FRMD4A: variants seen among roughly 807,000 people sequenced by gnomAD.
The protein encoded by FRMD4A is FERM domain-containing protein 4A.
FRMD4A carries 29 observed loss-of-function variants against 129.1 expected under a neutral mutation model. The observed-to-expected ratio is 0.22, with a 90% CI of 0.17 to 0.31. The LOEUF is 0.31. Ranked by LOEUF, FRMD4A falls within the 10% of genes least tolerant of loss-of-function variation. FRMD4A has a pLI of 1.00. For synonymous variants in FRMD4A, 634 were observed against 571.6 expected, an observed-to-expected ratio of 1.11 and a Z score of -1.56; for missense variants, 1,272 against 1,375.8, an observed-to-expected ratio of 0.92 and a Z score of 1.19.
At chr10:13,768,985 A>ATT (rs10558942) in intron 6 of FRMD4A, among the ~76,000 whole-genome samples, 47 of 103,326 alleles carry the variant, frequency 4.5e-4, no homozygotes, top group Middle Eastern at 5.2e-3. Flanking sequence ...ACTTTACTAG[A>ATT]TTTTTTTTTT....
At chr10:14,105,436 A>T (rs1422949815) in intron 2 of FRMD4A, among the ~76,000 whole-genome samples, 2 of 146,634 alleles carry the variant, frequency 1.4e-5, no homozygotes, top group Admixed American at 6.7e-5. Flanking sequence ...TTTATTAGAT[A>T]TGCATTTCCA....
At chr10:14,198,334 G>A (rs954436252) in intron 2 of FRMD4A, among the ~76,000 whole-genome samples, 1 of 152,198 alleles carries the variant, frequency 6.6e-6, no homozygotes, top group East Asian at 1.9e-4. Context: ...AGAGACCTGG[G>A]ATGTTGAGGC....
chr10:13,931,027 A>T (rs1401874177), intron 2 of FRMD4A, among the ~76,000 whole-genome samples: 1 of 152,092 alleles, frequency 6.6e-6, no homozygotes, highest in African/African-American at 2.4e-5. Flanking sequence ...TATAGATGAG[A>T]TATCTCTATG....
intron 2 of FRMD4A, among the ~76,000 whole-genome samples, chr10:14,233,302 G>A (rs1456555891): frequency 6.6e-6 from 1 of 152,180 alleles, no homozygotes; most frequent in Non-Finnish European, 1.5e-5. Flanking sequence ...AGGAGCAGTG[G>A]CTCACACCTG....
At chr10:14,084,305 C>T (rs1836121396) in intron 2 of FRMD4A, among the ~76,000 whole-genome samples, 1 of 152,122 alleles carries the variant, frequency 6.6e-6, no homozygotes, top group African/African-American at 2.4e-5. Context: ...CGCCACCATG[C>T]CTGGCTAATT....
intron 2 of FRMD4A, among the ~76,000 whole-genome samples, chr10:14,112,984 G>C (rs1317876491): frequency 6.6e-6 from 1 of 152,126 alleles, no homozygotes; most frequent in Non-Finnish European, 1.5e-5. Flanking sequence ...AACACTCACT[G>C]AGAGGGCAGT....
intron 2 of FRMD4A, among the ~76,000 whole-genome samples, chr10:13,894,613 A>C (rs927847319): frequency 1.3e-5 from 2 of 152,030 alleles, no homozygotes; most frequent in African/African-American, 4.8e-5. Context: ...TCTTCATCAC[A>C]TATTATTCAC....
At chr10:13,850,204 A>G (rs552408133) in intron 3 of FRMD4A, among the ~76,000 whole-genome samples, 40 of 151,924 alleles carry the variant, frequency 2.6e-4, no homozygotes, top group South Asian at 8.3e-4. Flanking sequence ...GTGAGGCTCC[A>G]TCTCAAAAAA....
intron 5 of FRMD4A, among the ~76,000 whole-genome samples, chr10:13,790,572 T>A (rs1284576293): frequency 6.6e-6 from 1 of 150,548 alleles, no homozygotes; most frequent in Non-Finnish European, 1.5e-5. Context: ...CCCAGGAGAG[T>A]GTAGTGCCAC....
chr10:13,791,270 G>C (rs973410543), intron 5 of FRMD4A, among the ~76,000 whole-genome samples: 1 of 152,164 alleles, frequency 6.6e-6, no homozygotes, highest in African/African-American at 2.4e-5. Context: ...GAGACCCTGA[G>C]CAGGCACCCC....
intron 2 of FRMD4A, among the ~76,000 whole-genome samples, chr10:13,867,793 A>G (rs1442792103): frequency 7.4e-6 from 1 of 134,748 alleles, no homozygotes; most frequent in Non-Finnish European, 1.5e-5. Flanking sequence ...AATATATAAT[A>G]TAATATATAA....
chr10:14,210,512 C>T (rs1287166996), intron 2 of FRMD4A, among the ~76,000 whole-genome samples: 1 of 152,070 alleles, frequency 6.6e-6, no homozygotes, highest in East Asian at 1.9e-4. Context: ...CCTGCAATAC[C>T]CTGCCTTCTT....
chr10:14,065,082 G>A (rs535095833), intron 2 of FRMD4A, among the ~76,000 whole-genome samples: 4 of 152,254 alleles, frequency 2.6e-5, no homozygotes, highest in Non-Finnish European at 2.9e-5. Context: ...TTGTGGGCTC[G>A]TGGGGTCCTT....
At chr10:14,174,879 C>CTGTGTGTG (rs56966643) in intron 2 of FRMD4A, among the ~76,000 whole-genome samples, 1,736 of 87,598 alleles carry the variant, frequency 0.02, 21 homozygotes, top group Non-Finnish European at 0.024. Context: ...GTGTGTGTGT[C>CTGTGTGTG]TGTGTGTGTG....
intron 2 of FRMD4A, among the ~76,000 whole-genome samples, chr10:14,279,450 C>T (rs556631436): frequency 4.5e-4 from 69 of 152,204 alleles, no homozygotes; most frequent in Non-Finnish European, 7.9e-4. Context: ...CCACCCACCT[C>T]GACCTCCCAA....
At chr10:14,007,737 C>A (rs530089740) in intron 2 of FRMD4A, among the ~76,000 whole-genome samples, 1 of 152,188 alleles carries the variant, frequency 6.6e-6, no homozygotes, top group Non-Finnish European at 1.5e-5. Flanking sequence ...TTTTCACAGC[C>A]CCCATGCATT....
At chr10:13,928,522 A>T (rs2095159855) in intron 2 of FRMD4A, among the ~76,000 whole-genome samples, 1 of 152,230 alleles carries the variant, frequency 6.6e-6, no homozygotes, top group Admixed American at 6.5e-5. Context: ...CCGTGGGATT[A>T]AAAAGATAAA....
At chr10:14,084,545 G>A (rs954753993) in intron 2 of FRMD4A, among the ~76,000 whole-genome samples, 1 of 152,192 alleles carries the variant, frequency 6.6e-6, no homozygotes, top group African/African-American at 2.4e-5. Flanking sequence ...GACTGGAGGA[G>A]AGATGTCCTT....
intron 2 of FRMD4A, among the ~76,000 whole-genome samples, chr10:14,153,395 G>A (rs1402105002): frequency 1.3e-5 from 2 of 152,160 alleles, no homozygotes; most frequent in Non-Finnish European, 2.9e-5. Flanking sequence ...CTCCCCTTCT[G>A]TACTCACAGC....
Sources: allele counts gnomAD v4.1 joint callset (sites outside exome capture counted in the v4.1 genomes callset), GRCh38; gene constraint gnomAD v4.1.1; transcripts MANE v1.5; gene names NCBI Gene and HGNC (gene_info 2026-07-23, HGNC 2026-07-21).